The following ARHGAP28 variants were observed in gnomAD, a reference collection of about 807,000 sequenced individuals.
ARHGAP28 encodes the protein Rho GTPase activating protein 28.
ARHGAP28 carries 56 observed loss-of-function variants against 90.7 expected under a neutral mutation model. That is an observed-to-expected ratio of 0.62 (90% CI 0.50 to 0.77). The LOEUF is 0.77. Among genes scored for constraint, ARHGAP28 ranks in the 30% least tolerant of loss-of-function variants. ARHGAP28 has a pLI of 0.00. For missense variants in ARHGAP28, 869 were observed against 900.9 expected (o/e 0.96, Z 0.45); for synonymous variants, 308 against 323.3 (o/e 0.95, Z 0.51).
At chr18:6,848,992 G>A (rs1015176154) in intron 3 of ARHGAP28, among the ~76,000 whole-genome samples, 9 of 151,778 alleles carry the variant, frequency 5.9e-5, no homozygotes, top group Admixed American at 2.0e-4. Context: ...GCTTACACCT[G>A]TAATTCTAGC....
At chr18:6,888,122 G>T (rs2057236346) in intron 12 of ARHGAP28, among the ~76,000 whole-genome samples, 1 of 152,188 alleles carries the variant, frequency 6.6e-6, no homozygotes, top group Non-Finnish European at 1.5e-5. Context: ...GGAAAATGAA[G>T]CAGAAAAGTG....
At chr18:6,744,893 AAC>A (rs2143208599) in intron 1 of ARHGAP28, among the ~76,000 whole-genome samples, 1 of 152,126 alleles carries the variant, frequency 6.6e-6, no homozygotes, top group East Asian at 1.9e-4. Flanking sequence ...ATTCACGAAA[AAC>A]TTCTTTTTTG....
chr18:6,862,350 T>TA (rs2143415307), intron 5 of ARHGAP28, among the ~76,000 whole-genome samples: 1 of 152,288 alleles, frequency 6.6e-6, no homozygotes, highest in South Asian at 2.1e-4. Context: ...GGGGCCAACT[T>TA]ACTGTCACCC....
intron 4 of ARHGAP28, among the ~76,000 whole-genome samples, chr18:6,854,939 C>T (rs564751242): frequency 8.5e-5 from 13 of 152,350 alleles, no homozygotes; most frequent in South Asian, 6.2e-4. Flanking sequence ...CAACCCCCCA[C>T]GGTGTGCACA....
chr18:6,827,346 G>A (rs2143793974), intron 2 of ARHGAP28, among the ~76,000 whole-genome samples: 2 of 149,266 alleles, frequency 1.3e-5, no homozygotes, highest in South Asian at 4.3e-4. Flanking sequence ...CCCGGACGGG[G>A]CGGCTGGCTG....
chr18:6,830,130 G>C (rs1005698500), intron 2 of ARHGAP28, among the ~76,000 whole-genome samples: 1 of 152,088 alleles, frequency 6.6e-6, no homozygotes, highest in Non-Finnish European at 1.5e-5. Flanking sequence ...CCCTACTCCA[G>C]TATGACCTCA....
intron 1 of ARHGAP28, among the ~76,000 whole-genome samples, chr18:6,805,072 G>T (rs189308852): frequency 4.6e-5 from 7 of 152,180 alleles, no homozygotes; most frequent in Non-Finnish European, 7.4e-5. Context: ...CTGTCTTCCT[G>T]CCTCAGTCTC....
chr18:6,769,683 G>A (rs927333438), intron 1 of ARHGAP28, among the ~76,000 whole-genome samples: 5 of 152,102 alleles, frequency 3.3e-5, no homozygotes, highest in African/African-American at 9.7e-5. Context: ...TTTTCATTTC[G>A]TGCTCTACAT....
intron 1 of ARHGAP28, among the ~76,000 whole-genome samples, chr18:6,815,949 G>T (rs1315464858): frequency 2.6e-5 from 4 of 150,982 alleles, no homozygotes; most frequent in Admixed American, 2.6e-4. Flanking sequence ...CATATTCCCT[G>T]CTGCATAAGT....
intron 1 of ARHGAP28, among the ~76,000 whole-genome samples, chr18:6,818,440 C>T (rs533151284): frequency 2.6e-5 from 4 of 152,268 alleles, no homozygotes; most frequent in South Asian, 4.1e-4. Context: ...AGTATTTCTG[C>T]GTTGTTTTCC....
intron 4 of ARHGAP28, among the ~76,000 whole-genome samples, chr18:6,854,375 T>C (rs2056935534): frequency 6.6e-6 from 1 of 152,218 alleles, no homozygotes; most frequent in African/African-American, 2.4e-5. Flanking sequence ...ATTGCTGGAA[T>C]TCTTAACTTT....
At chr18:6,909,300 C>CTTTTCTTTTCTTTTCT (rs2057382798) in intron 17 of ARHGAP28, among the ~76,000 whole-genome samples, 2 of 122,042 alleles carry the variant, frequency 1.6e-5, no homozygotes, top group South Asian at 5.3e-4. Context: ...CTTTTCTTTT[C>CTTTTCTTTTCTTTTCT]TTTTTTTTTT....
At chr18:6,734,522 G>C (rs1053865771) in intron 1 of ARHGAP28, among the ~76,000 whole-genome samples, 3 of 152,118 alleles carry the variant, frequency 2.0e-5, no homozygotes, top group African/African-American at 7.2e-5. Context: ...ACTTCTGTGA[G>C]GGGGCTATTG....
At chr18:6,768,649 A>G (rs2056218975) in intron 1 of ARHGAP28, among the ~76,000 whole-genome samples, 1 of 152,148 alleles carries the variant, frequency 6.6e-6, no homozygotes, top group Non-Finnish European at 1.5e-5. Context: ...ATTTAGCAAC[A>G]AATGCAAGGA....
intron 3 of ARHGAP28, among the ~76,000 whole-genome samples, chr18:6,844,935 T>C (rs1473275189): frequency 6.6e-6 from 1 of 152,244 alleles, no homozygotes; most frequent in Non-Finnish European, 1.5e-5. Context: ...CGGCAATAGC[T>C]GCAGCCAGAA....
At position 6,913,872 on chromosome 18, in the gene ARHGAP28, G is replaced by GAAA. The variant is rs148519057; in HGVS notation, c.*1723_*1725dup. The GAAA allele has an allele frequency of 3.3e-5, 5 of 151,784 alleles. No homozygotes were observed. The highest frequency in any genetic ancestry group is 1.2e-4 in the African/African-American group (5 of 41,322). The allele number at this position is 151,784 out of a possible 1,614,324, so 9.4% of individuals were successfully genotyped here. Reference sequence around the variant, plus strand: ...TTTACATAATGACTTTCTAGACTCTGAAAAAAATGCTTTTATCATTTTTGC... The same window carrying GAAA: ...TTTACATAATGACTTTCTAGACTCTGAAAAAAAAAATGCTTTTATCATTTTTGC... On this transcript the variant is annotated 3_prime_UTR_variant, in exon 18 of 18. Coordinates refer to ENST00000383472, the MANE Select transcript of ARHGAP28 (RefSeq NM_001366230.1).
intron 3 of ARHGAP28, among the ~76,000 whole-genome samples, chr18:6,838,754 AT>A (rs2056773701): frequency 6.6e-6 from 1 of 152,182 alleles, no homozygotes; most frequent in Admixed American, 6.5e-5. Context: ...TGGTAAGTGC[AT>A]TTTGAGTTCT....
chr18:6,746,798 T>C (rs1186014323), intron 1 of ARHGAP28, among the ~76,000 whole-genome samples: 4 of 152,028 alleles, frequency 2.6e-5, no homozygotes, highest in Admixed American at 2.6e-4. Flanking sequence ...TTTAAAGGAA[T>C]AAAAGAGAAA....
At chr18:6,810,132 G>A (rs1157522997) in intron 1 of ARHGAP28, among the ~76,000 whole-genome samples, 1 of 152,042 alleles carries the variant, frequency 6.6e-6, no homozygotes, top group Non-Finnish European at 1.5e-5. Flanking sequence ...CTTTATCTCT[G>A]TATGAATTCC....
Sources: gnomAD v4.1 joint callset for allele counts (sites outside exome capture counted in the v4.1 genomes callset) on GRCh38, gnomAD v4.1.1 for gene constraint, MANE v1.5 for transcripts, NCBI Gene and HGNC (gene_info 2026-07-23, HGNC 2026-07-21) for gene names.